Variants in NIPSNAP1 observed in about 807,000 individuals in gnomAD.
NIPSNAP1 encodes nipsnap homolog 1, also known as protein NipSnap homolog 1.
Under a neutral mutation model 49.2 loss-of-function variants are expected in NIPSNAP1, and 25 were observed. The ratio of observed to expected loss-of-function variants is 0.51; its 90% CI spans 0.37 to 0.71. The LOEUF is 0.71. Ranked by LOEUF, NIPSNAP1 falls within the 30% of genes least tolerant of loss-of-function variation. NIPSNAP1 has a pLI of 0.00. For synonymous variants in NIPSNAP1, 143 were observed against 140.7 expected (o/e 1.02, Z -0.12); for missense variants, 294 against 361.0 (o/e 0.81, Z 1.50).
At chr22:29,573,857 T>A (rs2064429060) in intron 1 of NIPSNAP1, among the ~76,000 whole-genome samples, 1 of 151,184 alleles carries the variant, frequency 6.6e-6, no homozygotes, top group Non-Finnish European at 1.5e-5. Flanking sequence ...GAAGATCGCT[T>A]GAACCCAGGA....
At chr22:29,565,411 C>T (rs1017858088) in intron 4 of NIPSNAP1, among the ~76,000 whole-genome samples, 3 of 151,626 alleles carry the variant, frequency 2.0e-5, no homozygotes, top group African/African-American at 7.3e-5. Flanking sequence ...ACTCGGGAGC[C>T]TGAGGCAAGA....
chr22:29,561,157 G>A lies in NIPSNAP1; in HGVS notation c.611+14C>T, dbSNP rs1177175516. On this transcript the variant is annotated intron_variant, in intron 7 of 9. Transcript: ENST00000216121. ...TACGCCTCCCCCAACCCCAGTCTTG[G>A]TGCTGCCACTTACCAGTTGTTCCCC... is the stretch of plus-strand genomic sequence containing the variant. 1 of 1,611,800 alleles carries A rather than the reference G, an allele frequency of 6.2e-7. No homozygotes were observed. Among genetic ancestry groups the A allele is most frequent in the African/African-American group, 1.3e-5 (1 of 75,006 alleles).
In NIPSNAP1 at chr22:29,556,102, C is replaced by T. The variant is rs902585732; in HGVS notation, c.791-103G>A. On this transcript the variant is annotated intron_variant, in intron 9 of 9. Coordinates refer to ENST00000216121, the MANE Select transcript of NIPSNAP1 (RefSeq NM_003634.4). ...TGGCCTTTGAGTGGGCAGGAGGAGG[C>T]CCCAGATGCTGCGACAGGAATGTCC... is the stretch of plus-strand genomic sequence containing the variant. 1.6e-4 allele frequency: 152 copies of T among 941,802 alleles called. 1 individual carries two copies. In the Middle Eastern group the frequency reaches 1.7e-3, roughly 11 times the overall value. 58.3% of individuals were successfully genotyped at this position (941,802 alleles called of 1,614,324 possible).
At position 29,556,476 on chromosome 22, in the gene NIPSNAP1, A is replaced by G. The variant is rs566245477; in HGVS notation, c.791-477T>C. On this transcript the variant is annotated intron_variant, in intron 9 of 9. Coordinates refer to ENST00000216121, the MANE Select transcript of NIPSNAP1 (RefSeq NM_003634.4). ...GAGTCAGAGGTTGCTGTGAGCCGAG[A>G]TCAGGCCATTGCACTCCAGCCTGGG... Among the ~76,000 whole-genome samples, 401 of 152,060 alleles carry G rather than the reference A, an allele frequency of 2.6e-3. 5 individuals carry two copies. Among genetic ancestry groups the G allele is most frequent in the Non-Finnish European group, 9.9e-4 (67 of 67,992 alleles).
At position 29,569,789 on chromosome 22, in the gene NIPSNAP1, G is replaced by A. The variant is rs182596394; in HGVS notation, c.272+373C>T. 2.1e-4 allele frequency: 75 copies of A among 353,454 alleles called. 1 individual carries two copies. The East Asian group carries it at 3.1e-3, about 14-fold the overall frequency. 21.9% of individuals were successfully genotyped at this position (353,454 alleles called of 1,614,324 possible). ...GGATCACCTGAGGTCAGGAGTTTGC[G>A]ACCAGCCGGACTAACATGGTGAAAC... On this transcript the variant is annotated intron_variant, in intron 3 of 9. Coordinates refer to ENST00000216121, the MANE Select transcript of NIPSNAP1 (RefSeq NM_003634.4).
intron 9 of NIPSNAP1, among the ~76,000 whole-genome samples, chr22:29,558,619 A>G (rs1306839436): frequency 6.6e-6 from 1 of 152,154 alleles, no homozygotes; most frequent in African/African-American, 2.4e-5. Context: ...CAAGGTCACA[A>G]TGGGCGTTTG....
chr22:29,570,654 G>A (rs576421110), intron 1 of NIPSNAP1, 122 bp from the exon 2 acceptor site: 1 of 1,292,176 alleles, frequency 7.7e-7, no homozygotes, highest in South Asian at 1.4e-5. Flanking sequence ...GGGCCACGGA[G>A]TCCTGTGGCA....
In NIPSNAP1 at chr22:29,576,462, C is replaced by T. The variant is rs148615266; in HGVS notation, c.98+4523G>A. Among the ~76,000 whole-genome samples the T allele has an allele frequency of 1.1e-3, 168 of 151,546 alleles. 1 individual carries two copies. Among genetic ancestry groups the T allele is most frequent in the African/African-American group, 3.5e-3 (142 of 40,846 alleles). On this transcript the variant is annotated intron_variant, in intron 1 of 9. Coordinates refer to ENST00000216121, the MANE Select transcript of NIPSNAP1 (RefSeq NM_003634.4). Reference sequence around the variant, plus strand: ...GTCTCTAAACTGGAGGCAGCCCTAGCGGGGCAGAATCCTTGTCTGTTCTGT... The same window carrying T: ...GTCTCTAAACTGGAGGCAGCCCTAGTGGGGCAGAATCCTTGTCTGTTCTGT...
chr22:29,565,266 C>T (rs1161915239), intron 4 of NIPSNAP1, among the ~76,000 whole-genome samples: 2 of 152,038 alleles, frequency 1.3e-5, no homozygotes, highest in Non-Finnish European at 2.9e-5. Context: ...AATCCCAGCA[C>T]TTTGGGAGGC....
chr22:29,566,676 T>C (rs2064370271), intron 4 of NIPSNAP1, among the ~76,000 whole-genome samples: 2 of 151,248 alleles, frequency 1.3e-5, no homozygotes, highest in Admixed American at 1.3e-4. Flanking sequence ...TATAAAAAAT[T>C]AGCTGGCTGT....
At chr22:29,557,494 C>G (rs972116279) in intron 9 of NIPSNAP1, among the ~76,000 whole-genome samples, 1 of 151,992 alleles carries the variant, frequency 6.6e-6, no homozygotes, top group African/African-American at 2.4e-5. Context: ...ATGGCACAAT[C>G]ATGGCTCCCT....
chr22:29,572,801 AAAAAT>A (rs1555973374), intron 1 of NIPSNAP1, among the ~76,000 whole-genome samples: 41 of 134,076 alleles, frequency 3.1e-4, no homozygotes, highest in Non-Finnish European at 6.0e-4. Context: ...TCTATCTCAA[AAAAAT>A]AAAATAAAAT....
At chr22:29,562,753 G>A (rs556508373) in intron 4 of NIPSNAP1, among the ~76,000 whole-genome samples, 1 of 152,126 alleles carries the variant, frequency 6.6e-6, no homozygotes, top group East Asian at 1.9e-4. Flanking sequence ...GTGGGGCCTC[G>A]GGCAGGAGGG....
At chr22:29,570,055 C>T in intron 3 of NIPSNAP1, 107 bp downstream of exon 3, 1 of 883,508 alleles carries the variant, frequency 1.1e-6, no homozygotes, top group East Asian at 2.4e-5. Context: ...ATCTACATCT[C>T]CTGGATTTCT....
Position 29,581,021 on chromosome 22 carries a change from G to A in NIPSNAP1, c.62C>T (p.Pro21Leu). 6.5e-7 allele frequency: 1 copy of A among 1,536,324 alleles called. No individual in the cohort carries two copies. Among genetic ancestry groups the A allele is most frequent in the African/African-American group, 1.4e-5 (1 of 72,652 alleles). The change falls in exon 1 of 10, where the codon CCT (proline) becomes CTT (leucine). Residue 21 changes from proline to leucine, a missense_variant. By Grantham distance (98) the Pro-to-Leu change is moderately conservative. This residue lies in a region of NIPSNAP1 where 88 missense variants were observed against 76.1 expected (regional missense o/e 1.16). Coordinates refer to ENST00000216121, the MANE Select transcript of NIPSNAP1 (RefSeq NM_003634.4). ...TARRLLGGPG[P>L]RAGDVASAAA... Reference sequence around the variant, plus strand: ...TGCAGACGCAACGTCCCCAGCGCGAGGCCCCGGGCCCCCCAGCAGCCGCCG... The same window carrying A: ...TGCAGACGCAACGTCCCCAGCGCGAAGCCCCGGGCCCCCCAGCAGCCGCCG...
intron 4 of NIPSNAP1, among the ~76,000 whole-genome samples, chr22:29,565,461 TGAGATCAC>T: frequency 6.6e-6 from 1 of 152,074 alleles, no homozygotes; most frequent in South Asian, 2.1e-4. Flanking sequence ...TGCAGTGAGC[TGAGATCAC>T]GCCACTGCAC....
intron 8 of NIPSNAP1, 43 bp downstream of exon 8, chr22:29,560,691 G>A: frequency 6.6e-7 from 1 of 1,506,062 alleles, no homozygotes; most frequent in East Asian, 2.3e-5. Context: ...TGATGACAGA[G>A]AAAGAGAACT....
chr22:29,557,356 T>C (rs930897532), intron 9 of NIPSNAP1, among the ~76,000 whole-genome samples: 3 of 152,146 alleles, frequency 2.0e-5, no homozygotes, highest in African/African-American at 7.2e-5. Context: ...CTGGCCTCAA[T>C]TGATCCACAT....
chr22:29,561,272 G>A (rs2064333532), intron 6 of NIPSNAP1, 70 bp from the exon 7 acceptor site: 41 of 1,587,842 alleles, frequency 2.6e-5, no homozygotes, highest in East Asian at 9.0e-5. Flanking sequence ...AGCTTGGCAA[G>A]GAAGGGAAAC....
Sources: gnomAD v4.1 joint callset for allele counts (sites outside exome capture counted in the v4.1 genomes callset) on GRCh38, gnomAD v4.1.1 for gene constraint, gnomAD v4.1.1 regional missense constraint, MANE v1.5 for transcripts, NCBI Gene and HGNC (gene_info 2026-07-23, HGNC 2026-07-21) for gene names.